The following CNOT6L variants were observed in gnomAD, a reference collection of about 807,000 sequenced individuals.
CNOT6L encodes the protein CCR4-NOT transcription complex subunit 6 like.
Under a neutral mutation model 64.0 loss-of-function variants are expected in CNOT6L, and 7 were observed. The observed-to-expected ratio is 0.11, with a 90% confidence interval of 0.06 to 0.21. CNOT6L has a LOEUF of 0.21. Ranked by LOEUF, CNOT6L falls within the 10% of genes least tolerant of loss-of-function variation. CNOT6L has a pLI of 1.00. For synonymous variants in CNOT6L, 193 were observed against 243.4 expected (o/e 0.79, Z 1.93); for missense variants, 245 against 669.0 (o/e 0.37, Z 6.99).
At chr4:77,811,522 G>A (rs924961813) in intron 1 of CNOT6L, among the ~76,000 whole-genome samples, 1 of 152,120 alleles carries the variant, frequency 6.6e-6, no homozygotes, top group Admixed American at 6.5e-5. Context: ...ACTCCAGACT[G>A]GGCGATAGAG....
intron 5 of CNOT6L, among the ~76,000 whole-genome samples, chr4:77,748,716 T>A (rs1248244607): frequency 2.6e-5 from 4 of 152,186 alleles, no homozygotes; most frequent in Non-Finnish European, 5.9e-5. Flanking sequence ...CTTAGCCTTG[T>A]GGGAAATCAA....
In CNOT6L at chr4:77,720,129, T is replaced by C. The variant is rs561774050; in HGVS notation, c.*302A>G. ...TGTTTTGGAAAAACAAATACACTGTTATTGGGCCTCAAATTGGTAATTTAT... is the reference window on the plus strand; with the variant it reads ...TGTTTTGGAAAAACAAATACACTGTCATTGGGCCTCAAATTGGTAATTTAT... On this transcript the variant is annotated 3_prime_UTR_variant, in exon 12 of 12. Coordinates refer to ENST00000504123, the MANE Select transcript of CNOT6L (RefSeq NM_144571.3). The C allele has an allele frequency of 7.9e-6, 2 of 254,570 alleles. No individual in the cohort carries two copies. The highest frequency in any genetic ancestry group is 1.7e-4 in the East Asian group (2 of 11,924). 15.8% of individuals were successfully genotyped at this position (254,570 alleles called of 1,614,324 possible). A position where few individuals can be genotyped will look rare whatever the true frequency, so the allele number is the denominator to read the frequency against.
intron 8 of CNOT6L, among the ~76,000 whole-genome samples, chr4:77,741,452 A>C (rs1156540449): frequency 6.6e-6 from 1 of 152,102 alleles, no homozygotes; most frequent in African/African-American, 2.4e-5. Flanking sequence ...ATGGGATTCA[A>C]CCTCTATCAG....
intron 1 of CNOT6L, among the ~76,000 whole-genome samples, chr4:77,798,440 T>A (rs990199184): frequency 6.6e-6 from 1 of 152,230 alleles, no homozygotes; most frequent in Non-Finnish European, 1.5e-5. Flanking sequence ...ATAAAAAAAA[T>A]TTCTAATGGG....
chr4:77,782,975 A>C (rs1014443139), intron 1 of CNOT6L, among the ~76,000 whole-genome samples: 8 of 152,150 alleles, frequency 5.3e-5, no homozygotes, highest in African/African-American at 1.9e-4. Flanking sequence ...CCTGGGATAA[A>C]GAACAATTTC....
At chr4:77,818,761 G>C (rs574206256) in intron 1 of CNOT6L, among the ~76,000 whole-genome samples, 1 of 152,042 alleles carries the variant, frequency 6.6e-6, no homozygotes, top group East Asian at 1.9e-4. Flanking sequence ...GGGCTCGCGC[G>C]GGCTCGCCGT....
chr4:77,786,936 T>G (rs1249131884), intron 1 of CNOT6L, among the ~76,000 whole-genome samples: 1 of 152,158 alleles, frequency 6.6e-6, no homozygotes. Context: ...ATAAATCATT[T>G]TCCTCATGTA....
intron 2 of CNOT6L, among the ~76,000 whole-genome samples, chr4:77,775,230 C>T (rs915649055): frequency 6.6e-6 from 1 of 152,152 alleles, no homozygotes; most frequent in Non-Finnish European, 1.5e-5. Flanking sequence ...CATATTCATT[C>T]TTTTGACTAC....
At chr4:77,802,826 A>G (rs1731746922) in intron 1 of CNOT6L, among the ~76,000 whole-genome samples, 1 of 152,232 alleles carries the variant, frequency 6.6e-6, no homozygotes, top group Non-Finnish European at 1.5e-5. Context: ...GAATCTGAAC[A>G]TAGTTAAGAC....
At chr4:77,802,810 A>G (rs1030128367) in intron 1 of CNOT6L, among the ~76,000 whole-genome samples, 1 of 152,228 alleles carries the variant, frequency 6.6e-6, no homozygotes, top group Non-Finnish European at 1.5e-5. Context: ...GTAAGTGGCT[A>G]GACGGGAATC....
intron 1 of CNOT6L, among the ~76,000 whole-genome samples, chr4:77,804,891 G>GT (rs1732047981): frequency 6.6e-6 from 1 of 152,108 alleles, no homozygotes; most frequent in Admixed American, 6.5e-5. Context: ...TTTTAGTTAT[G>GT]TTTTTGTGGT....
At position 77,716,418 on chromosome 4, in the gene CNOT6L, G is replaced by A. The variant is rs1720753250; in HGVS notation, c.*4013C>T. On this transcript the variant is annotated 3_prime_UTR_variant, in exon 12 of 12. Transcript: ENST00000504123. ...ATAATGATGTGGTTATATGCCTCTG[G>A]TTCTTCAAAGAATGTATTTAGCCTA... 1 of 152,038 alleles carries A rather than the reference G, an allele frequency of 6.6e-6. No individual in the cohort carries two copies. The allele number at this position is 152,038 out of a possible 1,614,324, so 9.4% of individuals were successfully genotyped here.
chr4:77,807,971 G>T (rs1732447363), intron 1 of CNOT6L, among the ~76,000 whole-genome samples: 1 of 152,106 alleles, frequency 6.6e-6, no homozygotes, highest in Admixed American at 6.5e-5. Context: ...TTGCATAGGG[G>T]TCAGTCAATA....
At chr4:77,748,037 A>G (rs993976669) in intron 6 of CNOT6L, among the ~76,000 whole-genome samples, 7 of 152,004 alleles carry the variant, frequency 4.6e-5, no homozygotes, top group African/African-American at 1.7e-4. Flanking sequence ...TGCATTACTT[A>G]AATCTTAAAT....
chr4:77,809,512 T>C (rs1003635941), intron 1 of CNOT6L, among the ~76,000 whole-genome samples: 1 of 152,184 alleles, frequency 6.6e-6, no homozygotes, highest in African/African-American at 2.4e-5. Context: ...TGTTGTTTCA[T>C]AAAATTATAT....
chr4:77,809,590 G>T (rs984297736), intron 1 of CNOT6L, among the ~76,000 whole-genome samples: 1 of 152,100 alleles, frequency 6.6e-6, no homozygotes, highest in African/African-American at 2.4e-5. Flanking sequence ...AGTAATTTCT[G>T]AGTTTTGCTT....
chr4:77,742,417 T>C, intron 7 of CNOT6L, 122 bp from the exon 8 acceptor site: 2 of 915,680 alleles, frequency 2.2e-6, no homozygotes, highest in Non-Finnish European at 3.4e-6. Flanking sequence ...GCAAATATTA[T>C]CTTACTATCT....
intron 8 of CNOT6L, among the ~76,000 whole-genome samples, chr4:77,735,262 T>C: frequency 6.6e-6 from 1 of 152,152 alleles, no homozygotes; most frequent in East Asian, 1.9e-4. Flanking sequence ...TCCTCCCCTT[T>C]CCACAGGTGT....
intron 11 of CNOT6L, among the ~76,000 whole-genome samples, chr4:77,721,248 A>G (rs1721244293): frequency 6.6e-6 from 1 of 152,160 alleles, no homozygotes; most frequent in Admixed American, 6.5e-5. Context: ...TAAATTCTGG[A>G]TTTCCTTGCT....
Sources: allele counts gnomAD v4.1 joint callset (sites outside exome capture counted in the v4.1 genomes callset), GRCh38; gene constraint gnomAD v4.1.1; transcripts MANE v1.5; gene names NCBI Gene and HGNC (gene_info 2026-07-23, HGNC 2026-07-21).